Variants in ACBD5 observed in about 807,000 individuals in gnomAD.
The protein encoded by ACBD5 is acyl-CoA-binding domain-containing protein 5.
A neutral mutation model predicts 71.8 loss-of-function variants in ACBD5; 40 were observed. The observed-to-expected ratio is 0.56, with a 90% CI of 0.43 to 0.72. ACBD5 has a LOEUF of 0.72. Among genes scored for constraint, ACBD5 ranks in the 30% least tolerant of loss-of-function variants. ACBD5 has a pLI of 0.00. For missense variants in ACBD5, 559 were observed against 644.5 expected (o/e 0.87, Z 1.44); for synonymous variants, 229 against 218.6 (o/e 1.05, Z -0.42).
chr10:27,191,904 CAAT>C (rs1325313226), downstream of ACBD5, among the ~76,000 whole-genome samples: 1 of 126,210 alleles, frequency 7.9e-6, no homozygotes, highest in African/African-American at 5.7e-5. Context: ...AAAATAATAA[CAAT>C]AAAGTCTATA....
In ACBD5 at chr10:27,195,675, T is replaced by C. The variant is rs950197053; in HGVS notation, c.*1755A>G. ...TAGGGAACACTTTTTTAAAAGCAAA[T>C]AGTAGTAGATCCCTTTAGACAGACA... On this transcript the variant is annotated 3_prime_UTR_variant, in exon 13 of 13. Transcript: ENST00000396271. 2 of 421,892 alleles carry C rather than the reference T, an allele frequency of 4.7e-6. No homozygotes were observed. Among genetic ancestry groups the C allele is most frequent in the Admixed American group, 3.0e-5 (1 of 33,396 alleles). 26.1% of individuals were successfully genotyped at this position (421,892 alleles called of 1,614,324 possible).
At chr10:27,199,195 TC>T (rs1382514005) in intron 12 of ACBD5, among the ~76,000 whole-genome samples, 4 of 151,696 alleles carry the variant, frequency 2.6e-5, no homozygotes, top group African/African-American at 4.8e-5. Context: ...AATCTTTTTT[TC>T]TTTTTTTTTT....
rs1001913140 is a variant in ACBD5 at position 27,240,736 on chromosome 10, G to A, written c.-48C>T. 6.5e-7 allele frequency: 1 copy of A among 1,549,832 alleles called. No individual in the cohort carries two copies. The highest frequency in any genetic ancestry group is 8.7e-7 in the Non-Finnish European group (1 of 1,146,884). On this transcript the variant is annotated 5_prime_UTR_variant, in exon 1 of 13. Transcript: ENST00000396271. This position sits in a 1 kb window ranked among gnomAD's most constrained non-coding sequence, Gnocchi z 4.1. ...TCCGGGCATCGGTGGCCGCGGAGCC[G>A]CTCTCCCACCCTGGGGACCCTGGCG...
intron 7 of ACBD5, 127 bp downstream of exon 7, chr10:27,217,853 T>C (rs376795011): frequency 3.5e-6 from 3 of 866,110 alleles, no homozygotes. Flanking sequence ...ATGCTTATAA[T>C]ATTAATAAGC....
At chr10:27,220,310 A>G (rs1340628288) in intron 5 of ACBD5, 1 of 153,820 alleles carries the variant, frequency 6.5e-6, no homozygotes, top group Admixed American at 6.5e-5. Context: ...AACTCACATT[A>G]TCTGTCTTTA....
intron 12 of ACBD5, among the ~76,000 whole-genome samples, chr10:27,198,175 G>A (rs1016254522): frequency 6.6e-6 from 1 of 152,172 alleles, no homozygotes; most frequent in African/African-American, 2.4e-5. Context: ...CAGGCTCTGT[G>A]CCAGGCCCTG....
chr10:27,240,656 G>T lies in ACBD5; in HGVS notation c.15+18C>A, dbSNP rs1399639958. The T allele has an allele frequency of 6.4e-7, 1 of 1,551,022 alleles. No individual in the cohort carries two copies. On this transcript the variant is annotated intron_variant, in intron 1 of 12. Coordinates refer to ENST00000396271, the MANE Select transcript of ACBD5 (RefSeq NM_145698.5). This position sits in a 1 kb window ranked among gnomAD's most constrained non-coding sequence, Gnocchi z 4.1. ...TAAGGCCACGAATCCGGCCCGCGAC[G>T]ACAGCAAAACAACTCACCGAGAGGA...
At chr10:27,241,762 G>C (rs2065522904), upstream of ACBD5, among the ~76,000 whole-genome samples, 2 of 152,084 alleles carry the variant, frequency 1.3e-5, no homozygotes, top group South Asian at 4.1e-4. Flanking sequence ...TAGAGGGCGG[G>C]GCCAATGAGG....
chr10:27,196,733 C>A lies in ACBD5; in HGVS notation c.*697G>T. ...TACAGGCTCAGAATACACTTTTAAA[C>A]CTACATGAAGCTCATTCTTCACCAT... On this transcript the variant is annotated 3_prime_UTR_variant, in exon 13 of 13. Transcript: ENST00000396271. 1 of 454,334 alleles carries A rather than the reference C, an allele frequency of 2.2e-6. No homozygotes were observed. The highest frequency in any genetic ancestry group is 1.6e-5 in the South Asian group (1 of 64,472). 28.1% of individuals were successfully genotyped at this position (454,334 alleles called of 1,614,324 possible).
At chr10:27,221,374 A>C (rs1323849679) in intron 5 of ACBD5, among the ~76,000 whole-genome samples, 1 of 152,208 alleles carries the variant, frequency 6.6e-6, no homozygotes. Flanking sequence ...TTTTTAGTTC[A>C]TATCAGACAG....
In ACBD5 at chr10:27,219,832, A is replaced by G; in HGVS notation, c.516T>C (p.Thr172=). 6.2e-7 allele frequency: 1 copy of G among 1,614,022 alleles called. No individual in the cohort carries two copies. The highest frequency in any genetic ancestry group is 8.5e-7 in the Non-Finnish European group (1 of 1,179,984). Residue 172 remains threonine (T), a synonymous_variant, in exon 6 of 13, where the codon ACT becomes ACC. Coordinates refer to ENST00000396271, the MANE Select transcript of ACBD5 (RefSeq NM_145698.5). ...TACCATTAACGGTTTTGGCGTTTGGAGTAGAAGTGAGAACATTACCAAGAT... is the reference window on the plus strand; with the variant it reads ...TACCATTAACGGTTTTGGCGTTTGGGGTAGAAGTGAGAACATTACCAAGAT... ...TSDLGNVLTS[T]PNAKTVNGKA...
At chr10:27,191,237 G>A (rs1370532297), downstream of ACBD5, among the ~76,000 whole-genome samples, 1 of 152,102 alleles carries the variant, frequency 6.6e-6, no homozygotes, top group African/African-American at 2.4e-5. Flanking sequence ...CCAAATATAC[G>A]ACACTGTAGA....
intron 5 of ACBD5, among the ~76,000 whole-genome samples, chr10:27,222,653 C>T (rs1589232414): frequency 1.3e-5 from 2 of 150,426 alleles, no homozygotes; most frequent in East Asian, 2.0e-4. Flanking sequence ...TCACTGCAAA[C>T]TTTGCCTCCT....
rs146106344 is a variant in ACBD5 at position 27,200,340 on chromosome 10, C to G, written c.1566-2898G>C. Among the ~76,000 whole-genome samples, 456 of 152,270 alleles carry G rather than the reference C, an allele frequency of 3.0e-3. 2 individuals carry two copies. Among genetic ancestry groups the G allele is most frequent in the African/African-American group, 0.01 (429 of 41,572 alleles). On this transcript the variant is annotated intron_variant, in intron 12 of 12. Coordinates refer to ENST00000396271, the MANE Select transcript of ACBD5 (RefSeq NM_145698.5). ...GCCACGGCAACGTCAGGAAGTTACC[C>G]TATATGGTCTAAAAAGGGGAGGCAT...
At position 27,196,772 on chromosome 10, in the gene ACBD5, TTA is replaced by T; in HGVS notation, c.*656_*657del. 1 of 454,262 alleles carries T rather than the reference TTA, an allele frequency of 2.2e-6. No individual in the cohort carries two copies. Among genetic ancestry groups the T allele is most frequent in the Non-Finnish European group, 4.4e-6 (1 of 226,778 alleles). The allele number at this position is 454,262 out of a possible 1,614,324, so 28.1% of individuals were successfully genotyped here. On this transcript the variant is annotated 3_prime_UTR_variant, in exon 13 of 13. Transcript: ENST00000396271. ...ATTCTTCACCATTTCCATCAGTGGG[TTA>T]TGTCTAGCCTGCAAATCATTTGTAA...
intron 5 of ACBD5, among the ~76,000 whole-genome samples, chr10:27,221,790 C>T (rs1016275004): frequency 6.6e-6 from 1 of 151,624 alleles, no homozygotes; most frequent in African/African-American, 2.4e-5. Flanking sequence ...TACAAGTGTA[C>T]ACTTGTAATC....
In ACBD5 at chr10:27,240,523, AAAG is replaced by A. The variant is rs1358684274; in HGVS notation, c.16-42_16-40del. 1 of 1,567,176 alleles carries A rather than the reference AAAG, an allele frequency of 6.4e-7. No homozygotes were observed. Among genetic ancestry groups the A allele is most frequent in the Admixed American group, 1.9e-5 (1 of 52,208 alleles). On this transcript the variant is annotated intron_variant, in intron 1 of 12. Transcript: ENST00000396271. The surrounding 1 kb of genome is among the most constrained non-coding windows in gnomAD (Gnocchi z 4.1). ...CGCAGCCGCGGATCAACATGCCCCA[AAAG>A]GAGGAGGCCCGGGAGCGAAGCGGGT... is the stretch of plus-strand genomic sequence containing the variant.
chr10:27,216,144 T>G (rs550568307), intron 7 of ACBD5, among the ~76,000 whole-genome samples: 3 of 148,692 alleles, frequency 2.0e-5, no homozygotes, highest in Non-Finnish European at 3.0e-5. Context: ...AAAATACTGT[T>G]TATTTTTGGT....
rs1315978867 is a variant in ACBD5, at chr10:27,218,058, C to T, written c.751G>A (p.Gly251Ser). 6.2e-7 allele frequency: 1 copy of T among 1,614,014 alleles called. No individual in the cohort carries two copies. The highest frequency in any genetic ancestry group is 1.3e-5 in the African/African-American group (1 of 74,930). Residue 251 changes from glycine to serine, a missense_variant, in exon 7 of 13, where the codon GGC becomes AGC. By Grantham distance (56) the Gly-to-Ser change is moderately conservative. Transcript: ENST00000396271. ...GGCTTTACTTCTTCAGTGCTTCTGC[C>T]ATTCAGGGAAGAACTGGCATGAATG... ...NDIHASSSLN[G>S]RSTEEVKPID...
Sources: allele counts gnomAD v4.1 joint callset (sites outside exome capture counted in the v4.1 genomes callset), GRCh38; gene constraint gnomAD v4.1.1; non-coding constraint Gnocchi (gnomAD v3.1); transcripts MANE v1.5; gene names NCBI Gene and HGNC (gene_info 2026-07-23, HGNC 2026-07-21).